CENPA: variants seen among roughly 807,000 people sequenced by gnomAD.
The protein encoded by CENPA is centromere protein A.
In CENPA, 7 loss-of-function variants were observed where a neutral mutation model predicts 17.2. The observed-to-expected ratio is 0.41, with a 90% CI of 0.23 to 0.76. The LOEUF (loss-of-function observed/expected upper bound fraction) is 0.76, where lower values mean the gene tolerates loss of function less well. Among genes scored for constraint, CENPA ranks in the 30% least tolerant of loss-of-function variants. CENPA has a pLI of 0.34. For missense variants in CENPA, 149 were observed against 193.1 expected, an observed-to-expected ratio of 0.77 and a Z score of 1.35; for synonymous variants, 82 against 77.4, an observed-to-expected ratio of 1.06 and a Z score of -0.31.
At chr2:26,790,405 C>T (rs888683638) in intron 1 of CENPA, among the ~76,000 whole-genome samples, 59 of 152,196 alleles carry the variant, frequency 3.9e-4, no homozygotes, top group Non-Finnish European at 7.3e-5. Context: ...TGGCTCACTG[C>T]AACCTCCATC....
rs200653394 is a variant in CENPA at position 26,792,789 on chromosome 2, G to A, written c.244G>A (p.Val82Met). 1.2e-6 allele frequency: 2 copies of A among 1,614,196 alleles called. No individual in the cohort carries two copies. Among genetic ancestry groups the A allele is most frequent in the East Asian group, 2.2e-5 (1 of 44,880 alleles). Residue 82 changes from valine (V) to methionine (M), a missense_variant, in exon 3 of 5, where the codon GTG becomes ATG. Transcript: ENST00000335756. Reference sequence around the variant, plus strand: ...AATATGTGTTAAATTCACTCGTGGTGTGGACTTCAATTGGCAAGCCCAGGC... The same window carrying A: ...AATATGTGTTAAATTCACTCGTGGTATGGACTTCAATTGGCAAGCCCAGGC... ...REICVKFTRG[V>M]DFNWQAQALL...
rs1278129464 is a variant in CENPA, at chr2:26,786,183, C to T, written c.-14C>T. On this transcript the variant is annotated 5_prime_UTR_variant, in exon 1 of 5. Coordinates refer to ENST00000335756, the MANE Select transcript of CENPA (RefSeq NM_001809.4). The stretch of plus-strand genomic sequence containing the variant: ...AGCCGTGGGACCGGGCGCCAGCACC[C>T]TCTGCGGCGTGTCATGGGCCCGCGC... 2 of 1,443,308 alleles carry T rather than the reference C, an allele frequency of 1.4e-6. No homozygotes were observed. Among genetic ancestry groups the T allele is most frequent in the Non-Finnish European group, 1.8e-6 (2 of 1,104,984 alleles). The allele number at this position is 1,443,308 out of a possible 1,614,324, so 89.4% of individuals were successfully genotyped here.
intron 4 of CENPA, among the ~76,000 whole-genome samples, chr2:26,793,560 G>A (rs774138334): frequency 6.6e-6 from 1 of 152,160 alleles, no homozygotes; most frequent in Non-Finnish European, 1.5e-5. Flanking sequence ...TATTGTTGTT[G>A]TTTTATTTTT....
intron 4 of CENPA, 100 bp downstream of exon 4, chr2:26,793,426 T>G: frequency 9.5e-7 from 1 of 1,055,904 alleles, no homozygotes; most frequent in East Asian, 2.6e-5. Flanking sequence ...CTTTGTTCTC[T>G]AGTAAAGGTT....
chr2:26,792,900 C>T (rs1477862312), intron 3 of CENPA, 67 bp downstream of exon 3: 11 of 1,453,402 alleles, frequency 7.6e-6, no homozygotes, highest in Non-Finnish European at 7.7e-6. Flanking sequence ...TAGAATTCTC[C>T]AGTGCTGACT....
intron 1 of CENPA, among the ~76,000 whole-genome samples, chr2:26,789,983 TCTC>T (rs1664585808): frequency 6.6e-6 from 1 of 152,328 alleles, no homozygotes; most frequent in African/African-American, 2.4e-5. Flanking sequence ...TTAAATTCCA[TCTC>T]CTCATGTTGG....
Position 26,786,263 on chromosome 2 carries a change from A to T in CENPA, c.67A>T (p.Thr23Ser). 7.4e-7 allele frequency: 1 copy of T among 1,351,072 alleles called. No individual in the cohort carries two copies. Among genetic ancestry groups the T allele is most frequent in the Non-Finnish European group, 9.5e-7 (1 of 1,057,770 alleles). The allele number at this position is 1,351,072 out of a possible 1,614,324, so 83.7% of individuals were successfully genotyped here. A position where few individuals can be genotyped will look rare whatever the true frequency, so the allele number is the denominator to read the frequency against. ...PRRRSPSPTP[T>S]PGPSRRGPSL... ...GAGGCGCAGCCCGAGCCCGACCCCG[A>T]CCCCCGGCCCCTCCCGGCGGGGCCC... Residue 23 changes from threonine (T) to serine (S), a missense_variant, in exon 1 of 5, where the codon ACC becomes TCC. Transcript: ENST00000335756.
intron 1 of CENPA, 37 bp downstream of exon 1, chr2:26,786,333 C>A: frequency 7.8e-7 from 1 of 1,290,048 alleles, no homozygotes; most frequent in South Asian, 2.3e-5. Flanking sequence ...GAGGAGAAAA[C>A]CGAGGCTCGC....
At position 26,794,198 on chromosome 2, in the gene CENPA, A is replaced by G. The variant is rs1664673056; in HGVS notation, c.*434A>G. 1 of 152,246 alleles carries G rather than the reference A, an allele frequency of 6.6e-6. No individual in the cohort carries two copies. The highest frequency in any genetic ancestry group is 6.5e-5 in the Admixed American group (1 of 15,284). 9.4% of individuals were successfully genotyped at this position (152,246 alleles called of 1,614,324 possible). On this transcript the variant is annotated 3_prime_UTR_variant, in exon 5 of 5. Transcript: ENST00000335756. ...GTACATTTGTACTTTTATTTTACACATAAGGGAAAAAATAAGACCACTTTG... is the reference window on the plus strand; with the variant it reads ...GTACATTTGTACTTTTATTTTACACGTAAGGGAAAAAATAAGACCACTTTG...
At chr2:26,791,823 G>C (rs145089579) in intron 1 of CENPA, among the ~76,000 whole-genome samples, 1 of 152,222 alleles carries the variant, frequency 6.6e-6, no homozygotes, top group Non-Finnish European at 1.5e-5. Flanking sequence ...GGAAGAGTTA[G>C]CATTTAAAAT....
chr2:26,793,434 G>A (rs1664657070), intron 4 of CENPA, 108 bp downstream of exon 4: 1 of 940,858 alleles, frequency 1.1e-6, no homozygotes, highest in African/African-American at 1.6e-5. Context: ...TCTAGTAAAG[G>A]TTGATCTAGT....
chr2:26,786,234 C>G lies in CENPA; in HGVS notation c.38C>G (p.Pro13Arg). 2 of 1,428,048 alleles carry G rather than the reference C, an allele frequency of 1.4e-6. No homozygotes were observed. Among genetic ancestry groups the G allele is most frequent in the Non-Finnish European group, 1.8e-6 (2 of 1,097,606 alleles). The allele number at this position is 1,428,048 out of a possible 1,614,324, so 88.5% of individuals were successfully genotyped here. ...CGCCGGAGCCGAAAGCCCGAGGCCC[C>G]GAGGAGGCGCAGCCCGAGCCCGACC... is the stretch of plus-strand genomic sequence containing the variant. ...PRRRSRKPEA[P>R]RRRSPSPTPT... Residue 13 changes from proline to arginine, a missense_variant, in exon 1 of 5, where the codon CCG (proline) becomes CGG (arginine). Physicochemically the swap from Pro to Arg is moderately radical, Grantham distance 103 (BLOSUM62 -2). Around this residue, in one of 2 missense-constraint regions of CENPA, gnomAD observed 95 missense variants for 87.5 expected, o/e 1.09. Transcript: ENST00000335756.
At chr2:26,792,300 A>G in intron 2 of CENPA, 60 bp downstream of exon 2, 29 of 1,327,692 alleles carry the variant, frequency 2.2e-5, no homozygotes, top group Non-Finnish European at 3.1e-5. Context: ...AAATTTTCCC[A>G]GGTATTAGGG....
chr2:26,793,330 A>G lies in CENPA; in HGVS notation c.*47+4A>G. The G allele has an allele frequency of 6.2e-7, 1 of 1,602,160 alleles. No homozygotes were observed. The highest frequency in any genetic ancestry group is 8.5e-7 in the Non-Finnish European group (1 of 1,174,730). Reference sequence around the variant, plus strand: ...GTCTTTCCTGCTCAGCCAGGGGGTAAGCTCATCCTCTTTCACAGGACTGGG... The same window carrying G: ...GTCTTTCCTGCTCAGCCAGGGGGTAGGCTCATCCTCTTTCACAGGACTGGG... On this transcript the variant is annotated splice_donor_region_variant and intron_variant, in intron 4 of 4. Transcript: ENST00000335756.
At chr2:26,788,660 G>A (rs1348934020) in intron 1 of CENPA, among the ~76,000 whole-genome samples, 2 of 151,826 alleles carry the variant, frequency 1.3e-5, no homozygotes, top group South Asian at 2.1e-4. Context: ...TATTTATGAT[G>A]TTTTGTTTTG....
rs1255252032 is a variant in CENPA at position 26,787,791 on chromosome 2, G to A, written c.100+1495G>A. 2.0e-5 allele frequency among the ~76,000 whole-genome samples: 3 copies of A among 152,252 alleles called. No individual in the cohort carries two copies. The East Asian group carries it at 5.8e-4, about 29-fold the overall frequency. ...GGATTTTTTTTCTTTCCCAAAACAC[G>A]AGGATTTAACCTTTGCTTCCAGCCA... On this transcript the variant is annotated intron_variant, in intron 1 of 4. Coordinates refer to ENST00000335756, the MANE Select transcript of CENPA (RefSeq NM_001809.4).
chr2:26,789,836 T>C (rs923739732), intron 1 of CENPA, among the ~76,000 whole-genome samples: 1 of 152,156 alleles, frequency 6.6e-6, no homozygotes, highest in African/African-American at 2.4e-5. Flanking sequence ...CTCGAGCAAC[T>C]GTGAGAGCCT....
At chr2:26,791,977 T>A (rs1664624374) in intron 1 of CENPA, among the ~76,000 whole-genome samples, 154 bp from the exon 2 acceptor site, 1 of 152,226 alleles carries the variant, frequency 6.6e-6, no homozygotes, top group Admixed American at 6.5e-5. Flanking sequence ...ATAACTGCAA[T>A]GACTTTTGCA....
chr2:26,792,140 C>G lies in CENPA; in HGVS notation c.110C>G (p.Ser37Cys). The part of the protein sequence containing the change: ...SRRGPSLGAS[S>C]HQHSRRRQGW... Reference sequence around the variant, plus strand: ...CCTTTCTTTTGCTCAGGCGCTTCCTCCCATCAACACAGTCGGCGGAGACAA... The same window carrying G: ...CCTTTCTTTTGCTCAGGCGCTTCCTGCCATCAACACAGTCGGCGGAGACAA... Residue 37 changes from serine to cysteine, a missense_variant, in exon 2 of 5, where the codon TCC (serine) becomes TGC (cysteine). Ser to Cys is a moderately radical substitution (Grantham distance 112). Around this residue, in one of 2 missense-constraint regions of CENPA, gnomAD observed 95 missense variants for 87.5 expected, o/e 1.09. Coordinates refer to ENST00000335756, the MANE Select transcript of CENPA (RefSeq NM_001809.4). 6.2e-7 allele frequency: 1 copy of G among 1,613,842 alleles called. No individual in the cohort carries two copies. Among genetic ancestry groups the G allele is most frequent in the Non-Finnish European group, 8.5e-7 (1 of 1,179,916 alleles).
Sources: allele counts gnomAD v4.1 joint callset (sites outside exome capture counted in the v4.1 genomes callset), GRCh38; gene constraint gnomAD v4.1.1; regional missense constraint gnomAD v4.1.1; transcripts MANE v1.5; gene names NCBI Gene and HGNC (gene_info 2026-07-23, HGNC 2026-07-21).